The following FUT8 variants were observed in gnomAD, a reference collection of about 807,000 sequenced individuals.
FUT8 encodes fucosyltransferase 8.
Under a neutral mutation model 71.3 loss-of-function variants are expected in FUT8, and 29 were observed. That is an observed-to-expected ratio of 0.41 (90% CI 0.30 to 0.55). The LOEUF (loss-of-function observed/expected upper bound fraction) is 0.55, where lower values mean the gene tolerates loss of function less well. Ranked by LOEUF, FUT8 falls within the 20% of genes least tolerant of loss-of-function variation. The pLI, the probability that FUT8 is intolerant of heterozygous loss-of-function variation, is 0.34. For missense variants in FUT8, 544 were observed against 702.1 expected, an observed-to-expected ratio of 0.77 and a Z score of 2.55; for synonymous variants, 254 against 239.3, an observed-to-expected ratio of 1.06 and a Z score of -0.57.
the FUT8 span, among the ~76,000 whole-genome samples, chr14:65,384,573 A>G: frequency 2.0e-5 from 3 of 152,212 alleles, no homozygotes; most frequent in Admixed American, 6.5e-5. This position sits in a 1 kb window ranked among gnomAD's most constrained non-coding sequence, Gnocchi z 4.2. Context: ...TATTGAAGCT[A>G]TCAGTCAGAT....
intron 3 of FUT8, among the ~76,000 whole-genome samples, chr14:65,582,642 T>C (rs1421020873): frequency 1.3e-5 from 2 of 152,202 alleles, no homozygotes; most frequent in South Asian, 2.1e-4. Context: ...CCAGCAGCCA[T>C]GGCCTGCTCC....
chr14:65,391,676 T>G, the FUT8 span, among the ~76,000 whole-genome samples: 1 of 150,666 alleles, frequency 6.6e-6, no homozygotes, highest in East Asian at 2.0e-4. Flanking sequence ...TTAGTAGAGA[T>G]GGGGTTTCAC....
intron 7 of FUT8, among the ~76,000 whole-genome samples, chr14:65,701,583 T>G (rs1413353922): frequency 1.3e-5 from 2 of 152,218 alleles, no homozygotes; most frequent in Non-Finnish European, 2.9e-5. Flanking sequence ...CCTAAATGTG[T>G]CATACAAATA....
At chr14:65,375,199 T>G in the FUT8 span, among the ~76,000 whole-genome samples, 1 of 152,172 alleles carries the variant, frequency 6.6e-6, no homozygotes, top group Non-Finnish European at 1.5e-5. Flanking sequence ...ATCTGATTAC[T>G]TCCAAAAAAT....
chr14:65,540,960 A>G (rs537615419), intron 2 of FUT8, among the ~76,000 whole-genome samples: 2 of 152,344 alleles, frequency 1.3e-5, no homozygotes, highest in East Asian at 1.9e-4. Context: ...TGGTTAAGAA[A>G]GCTAGGCGGC....
chr14:65,383,974 G>A, the FUT8 span, among the ~76,000 whole-genome samples: 11 of 146,790 alleles, frequency 7.5e-5, no homozygotes, highest in Non-Finnish European at 1.5e-4. Flanking sequence ...TGCAGGCAGA[G>A]AGGGTGGCAG....
intron 7 of FUT8, among the ~76,000 whole-genome samples, chr14:65,680,787 G>A (rs962706583): frequency 2.6e-5 from 4 of 151,984 alleles, no homozygotes; most frequent in South Asian, 2.1e-4. Context: ...TGATATTTTC[G>A]AAACCAAATA....
At position 65,413,208 on chromosome 14, in the gene FUT8, G is replaced by T. The variant is rs2065163636; in HGVS notation, c.-332G>T. On this transcript the variant is annotated 5_prime_UTR_variant, in exon 1 of 11. Transcript: ENST00000673929. This position sits in a 1 kb window ranked among gnomAD's most constrained non-coding sequence, Gnocchi z 4.1. The stretch of plus-strand genomic sequence containing the variant: ...AGCGGCGGAGACCGCCTCTGCTCCC[G>T]CCTGGGGTAAGGGGGCGTTTTGGGA... 1 of 152,830 alleles carries T rather than the reference G, an allele frequency of 6.5e-6. No homozygotes were observed. Among genetic ancestry groups the T allele is most frequent in the South Asian group, 2.1e-4 (1 of 4,838 alleles). The allele number at this position is 152,830 out of a possible 1,614,324, so 9.5% of individuals were successfully genotyped here. A position where few individuals can be genotyped will look rare whatever the true frequency, so the allele number is the denominator to read the frequency against.
intron 2 of FUT8, among the ~76,000 whole-genome samples, chr14:65,466,103 C>G (rs1363664696): frequency 6.6e-6 from 1 of 152,046 alleles, no homozygotes; most frequent in Non-Finnish European, 1.5e-5. Context: ...TTCCAGGTTT[C>G]TTTTGATTAG....
chr14:65,636,121 G>A (rs1956009), intron 6 of FUT8, among the ~76,000 whole-genome samples: 126,034 of 152,004 alleles, frequency 0.83, 52,510 homozygotes, highest in East Asian at 1. Flanking sequence ...TCTAGTTTAT[G>A]TGCATAAAGG....
rs1890622686 is a variant in FUT8, at chr14:65,637,544, C to A, written c.597+7938C>A. ...TTGATATTTTAAGCAAAATTAAGCC[C>A]ATTTCAGGTGAATAAAGTATGTAAA... On this transcript the variant is annotated intron_variant, in intron 6 of 10. Coordinates refer to ENST00000673929, the MANE Select transcript of FUT8 (RefSeq NM_001371533.1). 2.0e-5 allele frequency among the ~76,000 whole-genome samples: 3 copies of A among 151,996 alleles called. No homozygotes were observed. The South Asian group carries it at 6.2e-4, about 32-fold the overall frequency.
chr14:65,673,741 A>T lies in FUT8; in HGVS notation c.835+4261A>T, dbSNP rs573396759. Among the ~76,000 whole-genome samples the T allele has an allele frequency of 1.5e-3, 236 of 152,326 alleles. 1 individual carries two copies. The highest frequency in any genetic ancestry group is 5.2e-3 in the African/African-American group (215 of 41,576). On this transcript the variant is annotated intron_variant, in intron 7 of 10. Transcript: ENST00000673929. ...AGGATTTCCATTTTGATGGTTGTGT[A>T]TTCTTGTTCTTCACTAAAACTGACA... is the stretch of plus-strand genomic sequence containing the variant.
At chr14:65,617,254 G>T (rs1354750659) in intron 5 of FUT8, 2 of 1,422,574 alleles carry the variant, frequency 1.4e-6, no homozygotes, top group Non-Finnish European at 1.8e-6. Context: ...AAAATTGCTT[G>T]GTTGTTTTAG....
intron 7 of FUT8, among the ~76,000 whole-genome samples, chr14:65,693,064 G>A (rs1420455881): frequency 1.3e-5 from 2 of 151,840 alleles, no homozygotes; most frequent in South Asian, 4.2e-4. Flanking sequence ...CCCAGACAAT[G>A]GGCAGCCAGG....
intron 7 of FUT8, among the ~76,000 whole-genome samples, chr14:65,712,525 A>T (rs528405003): frequency 3.1e-4 from 47 of 152,226 alleles, no homozygotes; most frequent in Non-Finnish European, 3.8e-4. Flanking sequence ...GCTCACTGCA[A>T]CCTCTGCCTC....
chr14:65,730,614 G>A (rs191044675), intron 9 of FUT8, among the ~76,000 whole-genome samples: 2 of 152,274 alleles, frequency 1.3e-5, no homozygotes, highest in East Asian at 3.9e-4. Context: ...GGAGGTTGCA[G>A]TGAGCCAAGA....
chr14:65,661,989 T>A (rs1891990794), intron 6 of FUT8, among the ~76,000 whole-genome samples: 1 of 152,224 alleles, frequency 6.6e-6, no homozygotes, highest in Admixed American at 6.5e-5. Flanking sequence ...GTTAGAGGCT[T>A]ATTGATTCAA....
rs1890940338 is a variant in FUT8 at position 65,643,500 on chromosome 14, A to G, written c.597+13894A>G. Among the ~76,000 whole-genome samples the G allele has an allele frequency of 6.6e-6, 1 of 151,922 alleles. No individual in the cohort carries two copies. The highest frequency in any genetic ancestry group is 6.6e-5 in the Admixed American group (1 of 15,254). On this transcript the variant is annotated intron_variant, in intron 6 of 10. Coordinates refer to ENST00000673929, the MANE Select transcript of FUT8 (RefSeq NM_001371533.1). This position sits in a 1 kb window ranked among gnomAD's most constrained non-coding sequence, Gnocchi z 4.5. ...AAACCCTGTCTCTACTAAAAATACA[A>G]AAGATTAGCCGGGCGTGGTGGCGGG...
At position 65,744,005 on chromosome 14, in the gene FUT8, TAACTA is replaced by T. The variant is rs1196664398; in HGVS notation, c.*1598_*1602del. The T allele has an allele frequency of 1.3e-5, 2 of 151,896 alleles. No individual in the cohort carries two copies. Among genetic ancestry groups the T allele is most frequent in the Non-Finnish European group, 2.9e-5 (2 of 67,870 alleles). The allele number at this position is 151,896 out of a possible 1,614,324, so 9.4% of individuals were successfully genotyped here. A position where few individuals can be genotyped will look rare whatever the true frequency, so the allele number is the denominator to read the frequency against. On this transcript the variant is annotated 3_prime_UTR_variant, in exon 11 of 11. Coordinates refer to ENST00000673929, the MANE Select transcript of FUT8 (RefSeq NM_001371533.1). ...GTATATAAAATTTCACCACCAAACT[TAACTA>T]AATTCTTTTTCTCAAGTCAAGCCTC...
Sources: gnomAD v4.1 joint callset for allele counts (sites outside exome capture counted in the v4.1 genomes callset) on GRCh38, gnomAD v4.1.1 for gene constraint, Gnocchi (gnomAD v3.1) non-coding constraint, MANE v1.5 for transcripts, NCBI Gene and HGNC (gene_info 2026-07-23, HGNC 2026-07-21) for gene names.